Variants in BNIP3 observed in about 807,000 individuals in gnomAD.
The protein encoded by BNIP3 is BCL2/adenovirus E1B 19 kDa protein-interacting protein 3.
Under a neutral mutation model 23.9 loss-of-function variants are expected in BNIP3, and 16 were observed. The observed-to-expected ratio is 0.67, with a 90% CI of 0.45 to 1.01. The LOEUF (loss-of-function observed/expected upper bound fraction) is 1.01. Ranked by LOEUF, BNIP3 falls within the 50% of genes least tolerant of loss-of-function variation. BNIP3 has a pLI of 0.00. For synonymous variants in BNIP3, 81 were observed against 89.3 expected, an observed-to-expected ratio of 0.91 and a Z score of 0.53; for missense variants, 198 against 248.7, an observed-to-expected ratio of 0.80 and a Z score of 1.37.
rs2036990078 is a variant in BNIP3 at position 131,968,384 on chromosome 10, A to G, written c.*140T>C. ...ATTTTAGTGTCTATTCTTTTATTTT[A>G]CTAAATTAGGAACGCAGCATTTACA... On this transcript the variant is annotated 3_prime_UTR_variant, in exon 6 of 6. Coordinates refer to ENST00000368636, the MANE Select transcript of BNIP3 (RefSeq NM_004052.4). 7.2e-5 allele frequency: 50 copies of G among 698,628 alleles called. 1 individual carries two copies. The South Asian group carries it at 8.5e-4, about 12-fold the overall frequency. The allele number at this position is 698,628 out of a possible 1,614,324, so 43.3% of individuals were successfully genotyped here.
Position 131,981,854 on chromosome 10 carries a change from G to A in BNIP3, c.-48C>T. 4 of 1,412,446 alleles carry A rather than the reference G, an allele frequency of 2.8e-6. No individual in the cohort carries two copies. The highest frequency in any genetic ancestry group is 9.2e-7 in the Non-Finnish European group (1 of 1,088,410). The allele number at this position is 1,412,446 out of a possible 1,614,324, so 87.5% of individuals were successfully genotyped here. A position where few individuals can be genotyped will look rare whatever the true frequency, so the allele number is the denominator to read the frequency against. Reference sequence around the variant, plus strand: ...GATCGGAGTCCGCGCCGGGCTGCGGGATGTGCTTCAGCTGCGGGCGGTGGG... The same window carrying A: ...GATCGGAGTCCGCGCCGGGCTGCGGAATGTGCTTCAGCTGCGGGCGGTGGG... On this transcript the variant is annotated 5_prime_UTR_variant, in exon 1 of 6. Transcript: ENST00000368636.
At chr10:131,981,447 A>C in intron 1 of BNIP3, 1 of 399,526 alleles carries the variant, frequency 2.5e-6, no homozygotes, top group Admixed American at 4.5e-5. Context: ...CGAGACGCAG[A>C]TTCACCTCCA....
intron 1 of BNIP3, among the ~76,000 whole-genome samples, chr10:131,975,613 C>T (rs2037073384): frequency 6.6e-6 from 1 of 152,290 alleles, no homozygotes; most frequent in South Asian, 2.1e-4. Context: ...GCTTTCCACA[C>T]ACACGAGGCA....
At chr10:131,981,689 G>T in intron 1 of BNIP3, 72 bp downstream of exon 1, 1 of 1,429,364 alleles carries the variant, frequency 7.0e-7, no homozygotes, top group South Asian at 1.4e-5. Context: ...ACCTCCCCTT[G>T]GCGCCCTCTT....
intron 5 of BNIP3, chr10:131,969,281 A>C (rs1022698726): frequency 4.6e-5 from 7 of 152,416 alleles, no homozygotes; most frequent in African/African-American, 9.7e-5. Context: ...GGCAGGACGA[A>C]GGACAGTAGC....
Position 131,970,127 on chromosome 10 carries a change from C to G in BNIP3, c.539+511G>C, listed in dbSNP as rs1176796286. ...CCAGGAGGCAGAGGCTGCAGTGAGC[C>G]GAGATCACGCCCCTGCACTCAGCCT... On this transcript the variant is annotated intron_variant, in intron 5 of 5. Coordinates refer to ENST00000368636, the MANE Select transcript of BNIP3 (RefSeq NM_004052.4). This position sits in a 1 kb window ranked among gnomAD's most constrained non-coding sequence, Gnocchi z 4.1. 6.5e-6 allele frequency: 1 copy of G among 154,808 alleles called. No homozygotes were observed. The highest frequency in any genetic ancestry group is 1.4e-5 in the Non-Finnish European group (1 of 70,048). 9.6% of individuals were successfully genotyped at this position (154,808 alleles called of 1,614,324 possible). A position where few individuals can be genotyped will look rare whatever the true frequency, so the allele number is the denominator to read the frequency against.
At chr10:131,969,052 G>C (rs987285784) in intron 5 of BNIP3, 1 of 157,560 alleles carries the variant, frequency 6.3e-6, no homozygotes, top group African/African-American at 2.4e-5. Context: ...GCTCGCTCCA[G>C]CTGACCAGCG....
chr10:131,971,880 CCTT>C (rs1258469349), intron 3 of BNIP3, among the ~76,000 whole-genome samples: 1 of 152,212 alleles, frequency 6.6e-6, no homozygotes, highest in Non-Finnish European at 1.5e-5. Flanking sequence ...AACAGGGACT[CCTT>C]GTTTCCTTGG....
chr10:131,973,186 C>T (rs2037053616), intron 2 of BNIP3, 68 bp from the exon 3 acceptor site: 1 of 1,538,146 alleles, frequency 6.5e-7, no homozygotes, highest in Non-Finnish European at 9.0e-7. Context: ...GAAGCTCAAA[C>T]CCCAAAGGCA....
chr10:131,974,600 G>A (rs531257366), intron 1 of BNIP3, among the ~76,000 whole-genome samples: 3 of 152,234 alleles, frequency 2.0e-5, no homozygotes, highest in African/African-American at 2.4e-5. Flanking sequence ...GGCTAGTCTC[G>A]AACTTCTGGG....
rs1416812502 is a variant in BNIP3 at position 131,970,970 on chromosome 10, A to T, written c.283T>A (p.Ser95Thr). The T allele has an allele frequency of 6.2e-7, 1 of 1,613,152 alleles. No individual in the cohort carries two copies. Residue 95 changes from serine to threonine, a missense_variant and splice_region_variant, in exon 4 of 6, where the codon TCT becomes ACT. Transcript: ENST00000368636. The surrounding 1 kb of genome is among the most constrained non-coding windows in gnomAD (Gnocchi z 4.1). ...HSIGEKNSSQ[S>T]EEDDIERRKE... is the part of the protein sequence containing the mutation. ...CTTCTTTCAATATCATCTTCCTCAG[A>T]CTAAGATAAAGTCAATGTTAAAGGC...
At chr10:131,978,639 G>A (rs2037097291) in intron 1 of BNIP3, among the ~76,000 whole-genome samples, 1 of 152,172 alleles carries the variant, frequency 6.6e-6, no homozygotes, top group African/African-American at 2.4e-5. Context: ...GGCTATGAAG[G>A]GAGAATCACC....
intron 3 of BNIP3, chr10:131,971,355 G>A (rs796578679): frequency 5.6e-5 from 14 of 249,036 alleles, no homozygotes; most frequent in South Asian, 4.8e-4. Context: ...GAAAACAGCC[G>A]AAAACGGCTC....
chr10:131,974,049 G>A, intron 1 of BNIP3, 106 bp from the exon 2 acceptor site: 9 of 1,437,308 alleles, frequency 6.3e-6, no homozygotes, highest in Non-Finnish European at 8.6e-6. Context: ...GGTAGCAATG[G>A]TGCCACACCA....
intron 1 of BNIP3, 80 bp from the exon 2 acceptor site, chr10:131,974,023 C>T: frequency 1.3e-6 from 2 of 1,560,316 alleles, no homozygotes; most frequent in Admixed American, 3.5e-5. Flanking sequence ...ACCAGCCTGC[C>T]CTTCCATTTC....
intron 2 of BNIP3, 95 bp from the exon 3 acceptor site, chr10:131,973,213 A>T: frequency 7.9e-7 from 1 of 1,264,628 alleles, no homozygotes; most frequent in Non-Finnish European, 1.1e-6. Flanking sequence ...CGCCTCCGTG[A>T]TGAGGGGCTC....
chr10:131,973,957 A>C lies in BNIP3; in HGVS notation c.47-14T>G. On this transcript the variant is annotated splice_polypyrimidine_tract_variant and intron_variant, in intron 1 of 5. Transcript: ENST00000368636. Reference sequence around the variant, plus strand: ...CTACCCAGGAGCCTGATGGGGACAAAAAAAGGGGCGCAGATGGAATTCTCT... The same window carrying C: ...CTACCCAGGAGCCTGATGGGGACAACAAAAGGGGCGCAGATGGAATTCTCT... The C allele has an allele frequency of 6.2e-7, 1 of 1,613,512 alleles. No individual in the cohort carries two copies. The highest frequency in any genetic ancestry group is 1.1e-5 in the South Asian group (1 of 91,076).
chr10:131,977,832 C>T (rs1323432708), intron 1 of BNIP3, among the ~76,000 whole-genome samples: 2 of 152,098 alleles, frequency 1.3e-5, no homozygotes, highest in Non-Finnish European at 2.9e-5. Flanking sequence ...ACTTTGGGCC[C>T]AAAAGCTGTA....
chr10:131,973,185 AC>A (rs2037053643), intron 2 of BNIP3, 67 bp from the exon 3 acceptor site: 7 of 1,542,136 alleles, frequency 4.5e-6, no homozygotes, highest in Non-Finnish European at 5.4e-6. Context: ...AGAAGCTCAA[AC>A]CCCAAAGGCA....
Sources: gnomAD v4.1 joint callset for allele counts (sites outside exome capture counted in the v4.1 genomes callset) on GRCh38, gnomAD v4.1.1 for gene constraint, Gnocchi (gnomAD v3.1) non-coding constraint, MANE v1.5 for transcripts, NCBI Gene and HGNC (gene_info 2026-07-23, HGNC 2026-07-21) for gene names.